PRMT1: variants seen among roughly 807,000 people sequenced by gnomAD.
PRMT1 encodes the protein protein arginine methyltransferase 1, also known as protein arginine N-methyltransferase 1.
PRMT1 carries 5 observed loss-of-function variants against 47.4 expected under a neutral mutation model. That is an observed-to-expected ratio of 0.11 (90% CI 0.06 to 0.22). PRMT1 has a LOEUF of 0.22. Among genes scored for constraint, PRMT1 ranks in the 10% least tolerant of loss-of-function variants. PRMT1 has a pLI of 1.00. For missense variants in PRMT1, 249 were observed against 518.4 expected, an observed-to-expected ratio of 0.48 and a Z score of 5.05; for synonymous variants, 227 against 204.6, an observed-to-expected ratio of 1.11 and a Z score of -0.94.
At chr19:49,686,540 G>A in intron 9 of PRMT1, 65 bp from the exon 10 acceptor site, 2 of 1,372,932 alleles carry the variant, frequency 1.5e-6, no homozygotes, top group Non-Finnish European at 2.0e-6. Flanking sequence ...TCCGACAGAG[G>A]GAACGCAAGG....
At position 49,679,922 on chromosome 19, in the gene PRMT1, A is replaced by G. The variant is rs756632988; in HGVS notation, c.87A>G (p.Glu29=). The G allele has an allele frequency of 6.2e-7, 1 of 1,611,804 alleles. No homozygotes were observed. Residue 29 remains glutamate, a synonymous_variant, in exon 2 of 11, where the codon GAA becomes GAG. Coordinates refer to ENST00000454376, the MANE Select transcript of PRMT1 (RefSeq NM_001536.6). The part of the protein sequence containing the change: ...ANGMSLQPPL[E]EVSCGQAESS... ...GGATGAGCCTCCAGCCGCCTCTTGA[A>G]GAAGTAAATATCCTTTTGTGAGACC...
At position 49,688,130 on chromosome 19, in the gene PRMT1, G is replaced by GT. The variant is rs2082239437; in HGVS notation, c.1033-30dup. Reference sequence around the variant, plus strand: ...GCCCCCCGCCACCACCTCCTGGTGGGTTCCGCCCTCATGCCCCACCTCTCC... The same window carrying GT: ...GCCCCCCGCCACCACCTCCTGGTGGGTTTCCGCCCTCATGCCCCACCTCTCC... On this transcript the variant is annotated intron_variant, in intron 10 of 10. Transcript: ENST00000454376. The surrounding 1 kb of genome is among the most constrained non-coding windows in gnomAD (Gnocchi z 5.3). 1 of 1,603,570 alleles carries GT rather than the reference G, an allele frequency of 6.2e-7. No homozygotes were observed. Among genetic ancestry groups the GT allele is most frequent in the Middle Eastern group, 1.7e-4 (1 of 6,048 alleles).
chr19:49,682,821 CTT>C (rs2082140183), intron 5 of PRMT1, among the ~76,000 whole-genome samples: 2 of 114,714 alleles, frequency 1.7e-5, no homozygotes, highest in African/African-American at 3.5e-5. Context: ...GAGTCTCACT[CTT>C]TTGCCAGGCT....
chr19:49,677,405 G>C, intron 1 of PRMT1, 89 bp downstream of exon 1: 1 of 1,209,896 alleles, frequency 8.3e-7, no homozygotes, highest in Non-Finnish European at 1.1e-6. Flanking sequence ...CTAAGTTGGC[G>C]ATATGGGGTT....
In PRMT1 at chr19:49,685,420, G is replaced by A; in HGVS notation, c.759+383G>A. ...TGCCTGAGGTCCCAGCTACTCGGGA[G>A]GATCACTTGGGCCTGGGAGTTCAAG... On this transcript the variant is annotated intron_variant, in intron 8 of 10. Transcript: ENST00000454376. This position sits in a 1 kb window ranked among gnomAD's most constrained non-coding sequence, Gnocchi z 4.7. The A allele has an allele frequency of 8.4e-7, 1 of 1,193,182 alleles. No individual in the cohort carries two copies. The highest frequency in any genetic ancestry group is 1.1e-6 in the Non-Finnish European group (1 of 950,266). 73.9% of individuals were successfully genotyped at this position (1,193,182 alleles called of 1,614,324 possible).
At position 49,681,404 on chromosome 19, in the gene PRMT1, G is replaced by A. The variant is rs554256983; in HGVS notation, c.193-506G>A. 3.3e-5 allele frequency among the ~76,000 whole-genome samples: 5 copies of A among 152,168 alleles called. No individual in the cohort carries two copies. The highest frequency in any genetic ancestry group is 1.2e-4 in the African/African-American group (5 of 41,536). The stretch of plus-strand genomic sequence containing the variant: ...TTCTTAGGTAGCAGTGGTGAAGTCC[G>A]GCCAAGATTGGAGTTTAGACCATCT... On this transcript the variant is annotated intron_variant, in intron 3 of 10. Coordinates refer to ENST00000454376, the MANE Select transcript of PRMT1 (RefSeq NM_001536.6). The surrounding 1 kb of genome is among the most constrained non-coding windows in gnomAD (Gnocchi z 4.4).
At position 49,680,453 on chromosome 19, in the gene PRMT1, G is replaced by C. The variant is rs752744236; in HGVS notation, c.91-34G>C. 7 of 1,550,044 alleles carry C rather than the reference G, an allele frequency of 4.5e-6. No individual in the cohort carries two copies. Among genetic ancestry groups the C allele is most frequent in the Non-Finnish European group, 6.2e-6 (7 of 1,122,010 alleles). ...TTTAAGAGGCTGTGGGGAGCCCCCA[G>C]ATCTGACCCATGATCCCATCGGCCC... On this transcript the variant is annotated intron_variant, in intron 2 of 10. Coordinates refer to ENST00000454376, the MANE Select transcript of PRMT1 (RefSeq NM_001536.6). The surrounding 1 kb of genome is among the most constrained non-coding windows in gnomAD (Gnocchi z 4.2).
upstream of PRMT1, chr19:49,677,093 C>A: frequency 2.2e-6 from 1 of 462,868 alleles, no homozygotes; most frequent in Non-Finnish European, 3.5e-6. Flanking sequence ...AACCCCTGAC[C>A]TATGATGGAC....
intron 10 of PRMT1, among the ~76,000 whole-genome samples, chr19:49,687,140 T>C (rs1217483376): frequency 1.3e-5 from 2 of 152,090 alleles, no homozygotes; most frequent in Non-Finnish European, 2.9e-5. Flanking sequence ...GCACGGGGTT[T>C]TCTAGCCCAG....
chr19:49,685,260 C>A lies in PRMT1; in HGVS notation c.759+223C>A. The A allele has an allele frequency of 6.8e-7, 1 of 1,463,388 alleles. No homozygotes were observed. The highest frequency in any genetic ancestry group is 9.0e-7 in the Non-Finnish European group (1 of 1,106,838). 90.7% of individuals were successfully genotyped at this position (1,463,388 alleles called of 1,614,324 possible). ...ACCATGCTTGGCACTTGGCTTCTGG[C>A]GGAGGAAACACCCAAAGCTGGCAGC... is the stretch of plus-strand genomic sequence containing the variant. On this transcript the variant is annotated intron_variant, in intron 8 of 10. Coordinates refer to ENST00000454376, the MANE Select transcript of PRMT1 (RefSeq NM_001536.6). This position sits in a 1 kb window ranked among gnomAD's most constrained non-coding sequence, Gnocchi z 4.7.
upstream of PRMT1, among the ~76,000 whole-genome samples, chr19:49,676,593 C>A (rs2082041130): frequency 6.6e-6 from 1 of 152,190 alleles, no homozygotes; most frequent in South Asian, 2.1e-4. Context: ...GGGACCCCAG[C>A]TATGCCCTTC....
In PRMT1 at chr19:49,685,899, G is replaced by T; in HGVS notation, c.760-194G>T. The T allele has an allele frequency of 3.5e-6, 5 of 1,409,404 alleles. No homozygotes were observed. The highest frequency in any genetic ancestry group is 4.6e-6 in the Non-Finnish European group (5 of 1,085,154). 87.3% of individuals were successfully genotyped at this position (1,409,404 alleles called of 1,614,324 possible). A position where few individuals can be genotyped will look rare whatever the true frequency, so the allele number is the denominator to read the frequency against. ...AGGAGGGAGCAAGGAATCTGGGCTC[G>T]AACCCACATGGTTTATTGGGAGCCG... On this transcript the variant is annotated intron_variant, in intron 8 of 10. Coordinates refer to ENST00000454376, the MANE Select transcript of PRMT1 (RefSeq NM_001536.6). This position sits in a 1 kb window ranked among gnomAD's most constrained non-coding sequence, Gnocchi z 4.7.
At chr19:49,687,597 G>T (rs2082227832) in intron 10 of PRMT1, among the ~76,000 whole-genome samples, 1 of 151,400 alleles carries the variant, frequency 6.6e-6, no homozygotes, top group South Asian at 2.1e-4. Flanking sequence ...GCATCTGGTA[G>T]GTAGGGGCCA....
At chr19:49,676,784 CGTGTTCTCCTTGA>C (rs548055544), upstream of PRMT1, among the ~76,000 whole-genome samples, 176 of 152,308 alleles carry the variant, frequency 1.2e-3, no homozygotes, top group African/African-American at 4.1e-3. Flanking sequence ...GGCCAATTGC[CGTGTTCTCCTTGA>C]GGCCGGCCGC....
At chr19:49,677,239 G>T (rs750410433), upstream of PRMT1, 12 of 1,414,016 alleles carry the variant, frequency 8.5e-6, no homozygotes, top group Admixed American at 2.8e-5. Flanking sequence ...GAGGAGAAAG[G>T]GGGGGTCTTG....
intron 9 of PRMT1, 130 bp from the exon 10 acceptor site, chr19:49,686,475 G>A: frequency 3.3e-6 from 4 of 1,214,966 alleles, no homozygotes; most frequent in Non-Finnish European, 4.5e-6. Flanking sequence ...AAAGCTCAAT[G>A]ACAGGGAGGT....
At position 49,685,063 on chromosome 19, in the gene PRMT1, C is replaced by T. The variant is rs770204812; in HGVS notation, c.759+26C>T. 9 of 1,613,880 alleles carry T rather than the reference C, an allele frequency of 5.6e-6. No homozygotes were observed. The Admixed American group carries it at 6.7e-5, about 12-fold the overall frequency. On this transcript the variant is annotated intron_variant, in intron 8 of 10. Transcript: ENST00000454376. The surrounding 1 kb of genome is among the most constrained non-coding windows in gnomAD (Gnocchi z 4.7). ...GTGAGGGGGTGGGCATGGCCAGGTG[C>T]CCCCTGGGTTGAAACCAAAGAGAGG... is the stretch of plus-strand genomic sequence containing the variant.
At chr19:49,683,064 A>C (rs2082144058) in intron 5 of PRMT1, among the ~76,000 whole-genome samples, 1 of 151,158 alleles carries the variant, frequency 6.6e-6, no homozygotes, top group South Asian at 2.1e-4. Flanking sequence ...TGCTGGGATT[A>C]CAGGTGTGAA....
chr19:49,677,672 C>T, intron 1 of PRMT1: 1 of 196,820 alleles, frequency 5.1e-6, no homozygotes, highest in Non-Finnish European at 1.0e-5. Context: ...CCGCCCCCGG[C>T]CGGGGAGGGG....
Sources: allele counts gnomAD v4.1 joint callset (sites outside exome capture counted in the v4.1 genomes callset), GRCh38; gene constraint gnomAD v4.1.1; non-coding constraint Gnocchi (gnomAD v3.1); transcripts MANE v1.5; gene names NCBI Gene and HGNC (gene_info 2026-07-23, HGNC 2026-07-21).